Variants in DOCK3 observed in about 807,000 individuals in gnomAD.
DOCK3 encodes dedicator of cytokinesis protein 3.
Under a neutral mutation model 265.6 loss-of-function variants are expected in DOCK3, and 60 were observed. The ratio of observed to expected loss-of-function variants is 0.23; its 90% CI spans 0.18 to 0.28. DOCK3 has a LOEUF of 0.28. Among genes scored for constraint, DOCK3 ranks in the 10% least tolerant of loss-of-function variants. The probability of loss-of-function intolerance (pLI) is 1.00; values close to 1 mark genes in which losing one functional copy is unlikely to be tolerated. For synonymous variants in DOCK3, 881 were observed against 938.0 expected (o/e 0.94, Z 1.11); for missense variants, 1,981 against 2,594.3 (o/e 0.76, Z 5.14).
At chr3:51,139,642 G>A (rs1209970459) in intron 9 of DOCK3, among the ~76,000 whole-genome samples, 1 of 152,168 alleles carries the variant, frequency 6.6e-6, no homozygotes, top group Admixed American at 6.5e-5. Flanking sequence ...TTATTCTCTT[G>A]TGTAAGAGAA....
In DOCK3 at chr3:50,784,483, G is replaced by A. The variant is rs147614989; in HGVS notation, c.121+5725G>A. Among the ~76,000 whole-genome samples the A allele has an allele frequency of 5.1e-4, 77 of 152,152 alleles. 1 individual carries two copies. In the East Asian group the frequency reaches 0.014, roughly 28 times the overall value. Reference sequence around the variant, plus strand: ...TGTTCTTTTTGCTTAGTCTTGCTTCGGCTATGTGGGCTCTTTTTTGGTTCC... The same window carrying A: ...TGTTCTTTTTGCTTAGTCTTGCTTCAGCTATGTGGGCTCTTTTTTGGTTCC... On this transcript the variant is annotated intron_variant, in intron 2 of 52. Coordinates refer to ENST00000266037, the MANE Select transcript of DOCK3 (RefSeq NM_004947.5).
intron 13 of DOCK3, among the ~76,000 whole-genome samples, chr3:51,209,689 G>A (rs1047591211): frequency 2.0e-5 from 3 of 152,198 alleles, no homozygotes; most frequent in Non-Finnish European, 1.5e-5. Flanking sequence ...TAAAGTCACT[G>A]AGAGGCAAGC....
intron 12 of DOCK3, among the ~76,000 whole-genome samples, chr3:51,181,596 A>T (rs931027412): frequency 1.3e-5 from 2 of 152,200 alleles, no homozygotes; most frequent in Admixed American, 1.3e-4. Flanking sequence ...AGAAAGGCAT[A>T]ATAGCCTATT....
intron 32 of DOCK3, among the ~76,000 whole-genome samples, chr3:51,325,729 G>A (rs2084060634): frequency 6.6e-6 from 1 of 152,184 alleles, no homozygotes; most frequent in Admixed American, 6.5e-5. Context: ...ATACTATGCA[G>A]CCATAAAAAA....
intron 1 of DOCK3, chr3:50,719,936 C>T (rs973104259): frequency 5.7e-6 from 3 of 524,776 alleles, no homozygotes; most frequent in African/African-American, 3.8e-5. Flanking sequence ...CAAGGGCGTA[C>T]CGTCCACAGT....
intron 27 of DOCK3, among the ~76,000 whole-genome samples, chr3:51,300,146 G>T (rs9825454): frequency 0.91 from 138,658 of 152,248 alleles, 63,285 homozygotes; most frequent in African/African-American, 0.95. Flanking sequence ...TTAGCTGTAT[G>T]CCTAGATATT....
intron 21 of DOCK3, among the ~76,000 whole-genome samples, chr3:51,239,136 T>C (rs761217351): frequency 6.6e-6 from 1 of 152,198 alleles, no homozygotes; most frequent in African/African-American, 2.4e-5. Context: ...TTTTTGACAT[T>C]TTAATCATAG....
At chr3:50,910,041 T>A (rs1484513024) in intron 4 of DOCK3, among the ~76,000 whole-genome samples, 1 of 152,100 alleles carries the variant, frequency 6.6e-6, no homozygotes, top group Non-Finnish European at 1.5e-5. Flanking sequence ...GCATTGTGAA[T>A]TTCCTGTGTT....
chr3:50,774,353 T>G (rs184173519), intron 1 of DOCK3, among the ~76,000 whole-genome samples: 1 of 152,150 alleles, frequency 6.6e-6, no homozygotes, highest in Non-Finnish European at 1.5e-5. Context: ...AATCCATTAA[T>G]ATGATATATG....
rs1192148092 is a variant in DOCK3 at position 51,356,508 on chromosome 3, A to C, written c.4503+15A>C. Reference sequence around the variant, plus strand: ...GGAGGGAACTGGTGAGACATGTCTCAGATGAAGCTGAGCTTCACAACTGCT... The same window carrying C: ...GGAGGGAACTGGTGAGACATGTCTCCGATGAAGCTGAGCTTCACAACTGCT... On this transcript the variant is annotated intron_variant, in intron 43 of 52. Transcript: ENST00000266037. The C allele has an allele frequency of 3.1e-6, 5 of 1,610,206 alleles. No individual in the cohort carries two copies. The highest frequency in any genetic ancestry group is 4.2e-6 in the Non-Finnish European group (5 of 1,178,720).
chr3:50,945,452 G>A (rs899305559), intron 5 of DOCK3, among the ~76,000 whole-genome samples: 7 of 152,098 alleles, frequency 4.6e-5, no homozygotes, highest in African/African-American at 1.2e-4. Context: ...GACATGCTTT[G>A]TAACAGTTCT....
chr3:51,117,549 C>T (rs2083794470), intron 9 of DOCK3, among the ~76,000 whole-genome samples: 4 of 152,154 alleles, frequency 2.6e-5, no homozygotes. Flanking sequence ...GTAGCAGCTC[C>T]TCTTTATACC....
At chr3:51,228,901 A>C (rs2090438183) in intron 18 of DOCK3, 69 bp downstream of exon 18, 10 of 1,500,330 alleles carry the variant, frequency 6.7e-6, no homozygotes, top group South Asian at 2.6e-5. Flanking sequence ...CTACTAGCGC[A>C]TGTGAAGGGA....
chr3:50,884,892 A>C (rs1382365823), intron 3 of DOCK3, among the ~76,000 whole-genome samples: 1 of 152,062 alleles, frequency 6.6e-6, no homozygotes, highest in African/African-American at 2.4e-5. Flanking sequence ...TTGATACACT[A>C]TTAATATTAT....
At chr3:51,052,165 A>C (rs2081017762) in intron 5 of DOCK3, among the ~76,000 whole-genome samples, 1 of 152,140 alleles carries the variant, frequency 6.6e-6, no homozygotes, top group Non-Finnish European at 1.5e-5. Context: ...GATTTTTTTG[A>C]AGTTCTCAGC....
intron 9 of DOCK3, among the ~76,000 whole-genome samples, chr3:51,126,546 A>G (rs954281763): frequency 6.6e-6 from 1 of 152,234 alleles, no homozygotes; most frequent in Admixed American, 6.5e-5. Context: ...CCTCAGAAGC[A>G]TTATGACCTG....
chr3:50,927,026 A>C (rs945097579), intron 4 of DOCK3, among the ~76,000 whole-genome samples: 1 of 152,200 alleles, frequency 6.6e-6, no homozygotes, highest in African/African-American at 2.4e-5. Context: ...AAAGGCTTAC[A>C]AGTTTTATGA....
intron 48 of DOCK3, 115 bp from the exon 49 acceptor site, chr3:51,362,412 G>A: frequency 7.3e-7 from 1 of 1,365,212 alleles, no homozygotes; most frequent in Non-Finnish European, 1.0e-6. Flanking sequence ...GGGCTCAGGG[G>A]ATAGCATAAG....
intron 32 of DOCK3, among the ~76,000 whole-genome samples, chr3:51,322,272 G>A (rs1263961087): frequency 1.3e-5 from 2 of 152,082 alleles, no homozygotes; most frequent in East Asian, 1.9e-4. Flanking sequence ...GTGCAATCTC[G>A]GCTCACTGCA....
Sources: allele counts gnomAD v4.1 joint callset (sites outside exome capture counted in the v4.1 genomes callset), GRCh38; gene constraint gnomAD v4.1.1; transcripts MANE v1.5; gene names NCBI Gene and HGNC (gene_info 2026-07-23, HGNC 2026-07-21).